The following GTPBP1 variants were observed in gnomAD, a reference collection of about 807,000 sequenced individuals.
The protein encoded by GTPBP1 is GTP-binding protein 1.
GTPBP1 carries 23 observed loss-of-function variants against 62.0 expected under a neutral mutation model. The ratio of observed to expected loss-of-function variants is 0.37; its 90% CI spans 0.27 to 0.53. GTPBP1 has a LOEUF of 0.53. Among genes scored for constraint, GTPBP1 ranks in the 20% least tolerant of loss-of-function variants. The pLI, the probability that GTPBP1 is intolerant of heterozygous loss-of-function variation, is 0.89. For synonymous variants in GTPBP1, 344 were observed against 364.4 expected (o/e 0.94, Z 0.64); for missense variants, 640 against 917.3 (o/e 0.70, Z 3.90).
In GTPBP1 at chr22:38,706,039, G is replaced by A; in HGVS notation, c.84G>A (p.Ala28=). Reference sequence around the variant, plus strand: ...CCCCCGAGCCCAGCTCCCCGGGGGCGGCCAGGGCCGCGGCGGCCGCCGCCC... The same window carrying A: ...CCCCCGAGCCCAGCTCCCCGGGGGCAGCCAGGGCCGCGGCGGCCGCCGCCC... ...MFAPEPSSPG[A]ARAAAAAARL... is the part of the protein sequence containing the mutation. The change falls in exon 1 of 12, where the codon GCG becomes GCA. Residue 28 remains alanine (A), a synonymous_variant. Transcript: ENST00000216044. 1 of 1,382,808 alleles carries A rather than the reference G, an allele frequency of 7.2e-7. No individual in the cohort carries two copies. Among genetic ancestry groups the A allele is most frequent in the Non-Finnish European group, 9.4e-7 (1 of 1,068,782 alleles). The allele number at this position is 1,382,808 out of a possible 1,614,324, so 85.7% of individuals were successfully genotyped here. A position where few individuals can be genotyped will look rare whatever the true frequency, so the allele number is the denominator to read the frequency against.
rs1181621499 is a variant in GTPBP1, at chr22:38,706,073, G to C, written c.118G>C (p.Gly40Arg). ...RAAAAAARLH[G>R]GFDSDCSEDG... ...CGCGGCGGCCGCCGCCCGACTCCAC[G>C]GCGGCTTTGACTCGGACTGCAGCGA... is the stretch of plus-strand genomic sequence containing the variant. Residue 40 changes from glycine to arginine, a missense_variant, in exon 1 of 12, where the codon GGC becomes CGC. Coordinates refer to ENST00000216044, the MANE Select transcript of GTPBP1 (RefSeq NM_004286.5). 1 of 1,362,164 alleles carries C rather than the reference G, an allele frequency of 7.3e-7. No homozygotes were observed. Among genetic ancestry groups the C allele is most frequent in the African/African-American group, 1.5e-5 (1 of 65,354 alleles). The allele number at this position is 1,362,164 out of a possible 1,614,324, so 84.4% of individuals were successfully genotyped here.
downstream of GTPBP1, chr22:38,738,862 C>T: frequency 6.3e-7 from 1 of 1,599,268 alleles, no homozygotes; most frequent in Non-Finnish European, 8.5e-7. This position sits in a 1 kb window ranked among gnomAD's most constrained non-coding sequence, Gnocchi z 6.6. Flanking sequence ...CTGTGCTTGC[C>T]AGGTGCCCAC....
In GTPBP1 at chr22:38,728,491, TCTC is replaced by T. The variant is rs535656599; in HGVS notation, c.1716+334_1716+336del. The T allele has an allele frequency of 4.1e-4, 133 of 328,268 alleles. 1 individual carries two copies. Among genetic ancestry groups the T allele is most frequent in the Middle Eastern group, 1.9e-3 (2 of 1,050 alleles). The allele number at this position is 328,268 out of a possible 1,614,324, so 20.3% of individuals were successfully genotyped here. On this transcript the variant is annotated intron_variant, in intron 10 of 11. Coordinates refer to ENST00000216044, the MANE Select transcript of GTPBP1 (RefSeq NM_004286.5). The stretch of plus-strand genomic sequence containing the variant: ...GGCCTCACTGGGACCATGTCTAAGG[TCTC>T]CTCTCAGAGCAGAGGTCTGGTTGGA...
intron 5 of GTPBP1, 56 bp from the exon 6 acceptor site, chr22:38,724,241 G>T (rs1450704049): frequency 9.7e-7 from 1 of 1,034,148 alleles, no homozygotes; most frequent in Non-Finnish European, 1.5e-6. Flanking sequence ...TGCTCTTAAA[G>T]CCTGGCCAAA....
downstream of GTPBP1, chr22:38,742,235 C>T: frequency 6.6e-7 from 1 of 1,516,448 alleles, no homozygotes. Flanking sequence ...CTCTCTGCTG[C>T]TGGGCACCTT....
chr22:38,739,469 C>T (rs772614064), downstream of GTPBP1: 96 of 1,603,614 alleles, frequency 6.0e-5, no homozygotes, highest in Non-Finnish European at 7.2e-5. This position sits in a 1 kb window ranked among gnomAD's most constrained non-coding sequence, Gnocchi z 6.7. Flanking sequence ...AGGGAGCAGA[C>T]GTGTCCCCCT....
rs1358869149 is a variant in GTPBP1 at position 38,732,224 on chromosome 22, AG to A, written c.*1521del. 1 of 152,582 alleles carries A rather than the reference AG, an allele frequency of 6.6e-6. No individual in the cohort carries two copies. Among genetic ancestry groups the A allele is most frequent in the Non-Finnish European group, 1.5e-5 (1 of 68,072 alleles). The allele number at this position is 152,582 out of a possible 1,614,324, so 9.5% of individuals were successfully genotyped here. A position where few individuals can be genotyped will look rare whatever the true frequency, so the allele number is the denominator to read the frequency against. On this transcript the variant is annotated 3_prime_UTR_variant, in exon 12 of 12. Coordinates refer to ENST00000216044, the MANE Select transcript of GTPBP1 (RefSeq NM_004286.5). ...TGATCAGACCAGCATTCAAAATAAA[AG>A]TTTGTTCCAAGTTGACAGTGTGGTG...
Position 38,724,381 on chromosome 22 carries a change from T to C in GTPBP1, c.1043T>C (p.Ile348Thr). 4.3e-6 allele frequency: 7 copies of C among 1,611,816 alleles called. No individual in the cohort carries two copies. Among genetic ancestry groups the C allele is most frequent in the Non-Finnish European group, 4.2e-6 (5 of 1,178,010 alleles). Residue 348 changes from isoleucine (I) to threonine (T), a missense_variant, in exon 6 of 12, where the codon ATT (isoleucine) becomes ACT (threonine). Physicochemically the swap from Ile to Thr is moderately conservative, Grantham distance 89. Coordinates refer to ENST00000216044, the MANE Select transcript of GTPBP1 (RefSeq NM_004286.5). ...PVLVQSKDDV[I>T]VTASNFSSER... ...CTGGTGCAGAGCAAAGATGATGTGATTGTCACAGCCTCCAACTTCAGCTCT... is the reference window on the plus strand; with the variant it reads ...CTGGTGCAGAGCAAAGATGATGTGACTGTCACAGCCTCCAACTTCAGCTCT...
At chr22:38,738,449 C>G (rs564056216), downstream of GTPBP1, 5 of 1,261,800 alleles carry the variant, frequency 4.0e-6, no homozygotes, top group East Asian at 9.4e-5. This position sits in a 1 kb window ranked among gnomAD's most constrained non-coding sequence, Gnocchi z 6.6. Flanking sequence ...GAAGTGCTGT[C>G]TCCCACCCTA....
chr22:38,727,400 CAGA>C lies in GTPBP1; in HGVS notation c.1537+55_1537+57del. The C allele has an allele frequency of 6.8e-7, 1 of 1,472,778 alleles. No homozygotes were observed. The highest frequency in any genetic ancestry group is 9.0e-7 in the Non-Finnish European group (1 of 1,106,482). 91.2% of individuals were successfully genotyped at this position (1,472,778 alleles called of 1,614,324 possible). ...AGGAGGCCGTCGTGTTAGCTCCCCT[CAGA>C]AGGTGTTCCAGCAACCCAGGCCCCC... On this transcript the variant is annotated intron_variant, in intron 9 of 11. Coordinates refer to ENST00000216044, the MANE Select transcript of GTPBP1 (RefSeq NM_004286.5). The surrounding 1 kb of genome is among the most constrained non-coding windows in gnomAD (Gnocchi z 6.5).
At chr22:38,742,574 A>C (rs770447375), downstream of GTPBP1, 3 of 1,596,464 alleles carry the variant, frequency 1.9e-6, no homozygotes, top group South Asian at 2.2e-5. Context: ...GCAGAGAGAG[A>C]GCCACGGAGT....
At chr22:38,738,291 G>A (rs1342638734), downstream of GTPBP1, 1 of 1,595,100 alleles carries the variant, frequency 6.3e-7, no homozygotes, top group Admixed American at 1.7e-5. The surrounding 1 kb of genome is among the most constrained non-coding windows in gnomAD (Gnocchi z 6.6). Context: ...AGGGAAGTGG[G>A]GAGGGGCTGG....
Position 38,729,657 on chromosome 22 carries a change from C to T in GTPBP1, c.1912C>T (p.Pro638Ser). 6.7e-7 allele frequency: 1 copy of T among 1,496,472 alleles called. No individual in the cohort carries two copies. Among genetic ancestry groups the T allele is most frequent in the Non-Finnish European group, 8.9e-7 (1 of 1,123,798 alleles). The allele number at this position is 1,496,472 out of a possible 1,614,324, so 92.7% of individuals were successfully genotyped here. A position where few individuals can be genotyped will look rare whatever the true frequency, so the allele number is the denominator to read the frequency against. ...ACCAGCTGCGTCCAGCAATCTCCAG[C>T]CTCAGGTGAGCACGGGCCCCTCGCA... ...GQPAASSNLQ[P>S]QPKPSSGGRR... The change falls in exon 11 of 12, where the codon CCT becomes TCT. Residue 638 changes from proline (P) to serine (S), a missense_variant. By Grantham distance (74) the Pro-to-Ser change is moderately conservative. Around this residue, in one of 4 missense-constraint regions of GTPBP1, gnomAD observed 117 missense variants for 107.1 expected, o/e 1.09. Coordinates refer to ENST00000216044, the MANE Select transcript of GTPBP1 (RefSeq NM_004286.5).
chr22:38,742,700 G>T, downstream of GTPBP1: 1 of 1,110,538 alleles, frequency 9.0e-7, no homozygotes. Flanking sequence ...GCCGGCTGGA[G>T]CTCGTGGGCA....
Position 38,727,991 on chromosome 22 carries a change from G to A in GTPBP1, c.1546G>A (p.Gly516Arg). The A allele has an allele frequency of 6.2e-7, 1 of 1,613,776 alleles. No individual in the cohort carries two copies. The highest frequency in any genetic ancestry group is 8.5e-7 in the Non-Finnish European group (1 of 1,179,756). ...TCTGGCTTCCTTGACAGTGCACTGT[G>A]GGAGCATCAGGCAGACAGCCACCAT... ...SPRYQAMVHC[G>R]SIRQTATILS... The change falls in exon 10 of 12, where the codon GGG (glycine) becomes AGG (arginine). Residue 516 changes from glycine (G) to arginine (R), a missense_variant. Gly to Arg is a moderately radical substitution (Grantham distance 125). Transcript: ENST00000216044. This position sits in a 1 kb window ranked among gnomAD's most constrained non-coding sequence, Gnocchi z 6.5.
At chr22:38,740,143 C>T (rs940743235), downstream of GTPBP1, 8 of 1,340,868 alleles carry the variant, frequency 6.0e-6, no homozygotes, top group African/African-American at 4.4e-5. This position sits in a 1 kb window ranked among gnomAD's most constrained non-coding sequence, Gnocchi z 4.8. Context: ...TCAAGGCCAA[C>T]GCCACAGTCT....
intron 2 of GTPBP1, among the ~76,000 whole-genome samples, chr22:38,710,394 A>T (rs1050310482): frequency 5.9e-5 from 9 of 152,198 alleles, no homozygotes; most frequent in Non-Finnish European, 8.8e-5. Context: ...AGTGACATAA[A>T]GAAGAAGGAT....
At chr22:38,714,087 C>T (rs2092655208) in intron 2 of GTPBP1, among the ~76,000 whole-genome samples, 1 of 152,076 alleles carries the variant, frequency 6.6e-6, no homozygotes, top group Non-Finnish European at 1.5e-5. Context: ...GATGCGTGAG[C>T]AGGGTGGGAG....
At chr22:38,722,909 A>T in intron 5 of GTPBP1, 3 of 1,156,488 alleles carry the variant, frequency 2.6e-6, no homozygotes, top group African/African-American at 1.5e-5. Context: ...CTGGGAGGTC[A>T]TTGACGCTCA....
Sources: allele counts gnomAD v4.1 joint callset (sites outside exome capture counted in the v4.1 genomes callset), GRCh38; gene constraint gnomAD v4.1.1; regional missense constraint gnomAD v4.1.1; non-coding constraint Gnocchi (gnomAD v3.1); transcripts MANE v1.5; gene names NCBI Gene and HGNC (gene_info 2026-07-23, HGNC 2026-07-21).